The following ZBTB4 variants were observed in gnomAD, a reference collection of about 807,000 sequenced individuals.
ZBTB4 encodes zinc finger and BTB domain containing 4, also known as zinc finger and BTB domain-containing protein 4.
Under a neutral mutation model 59.8 loss-of-function variants are expected in ZBTB4, and 14 were observed. That is an observed-to-expected ratio of 0.23 (90% confidence interval 0.15 to 0.37). The LOEUF (loss-of-function observed/expected upper bound fraction) is 0.37, where lower values mean the gene tolerates loss of function less well. ZBTB4 is among the 10% of genes least tolerant of loss of function. ZBTB4 has a pLI of 1.00. For missense variants in ZBTB4, 1,198 were observed against 1,380.8 expected (o/e 0.87, Z 2.10); for synonymous variants, 587 against 575.2 (o/e 1.02, Z -0.29).
At chr17:7,482,798 T>G (rs2070363639), upstream of ZBTB4, 38 of 1,612,046 alleles carry the variant, frequency 2.4e-5, no homozygotes, top group Non-Finnish European at 3.2e-5. Flanking sequence ...ATGTGTGAGC[T>G]ATGCGGTCAC....
upstream of ZBTB4, among the ~76,000 whole-genome samples, chr17:7,481,826 C>T (rs1287013261): frequency 1.3e-5 from 2 of 152,102 alleles, no homozygotes; most frequent in Non-Finnish European, 2.9e-5. Context: ...TATAACATCT[C>T]ACTCATCTTT....
At chr17:7,468,234 G>A (rs1310003498) in intron 1 of ZBTB4, among the ~76,000 whole-genome samples, 4 of 152,186 alleles carry the variant, frequency 2.6e-5, no homozygotes, top group East Asian at 1.9e-4. Flanking sequence ...TTAGCCGGGC[G>A]TGGTGGCACG....
In ZBTB4 at chr17:7,479,472, C is replaced by A. The variant is rs908445475; in HGVS notation, c.-97G>T. 1 of 155,424 alleles carries A rather than the reference C, an allele frequency of 6.4e-6. No individual in the cohort carries two copies. Among genetic ancestry groups the A allele is most frequent in the African/African-American group, 2.4e-5 (1 of 41,394 alleles). 9.6% of individuals were successfully genotyped at this position (155,424 alleles called of 1,614,324 possible). On this transcript the variant is annotated 5_prime_UTR_variant, in exon 1 of 4. Coordinates refer to ENST00000380599, the MANE Select transcript of ZBTB4 (RefSeq NM_001128833.2). Reference sequence around the variant, plus strand: ...AGGGCCCACCTGACTGCGATGGCGCCGCGTCCGCCAGGCCCGGCTCATCAC... The same window carrying A: ...AGGGCCCACCTGACTGCGATGGCGCAGCGTCCGCCAGGCCCGGCTCATCAC...
Position 7,460,111 on chromosome 17 carries a change from AT to A in ZBTB4, c.*1828del, listed in dbSNP as rs34579688. 122,387 of 151,182 alleles carry A rather than the reference AT, an allele frequency of 0.81. 49,635 individuals are homozygous for A. The highest frequency in any genetic ancestry group is 0.91 in the Middle Eastern group (266 of 292). The allele number at this position is 151,182 out of a possible 1,614,324, so 9.4% of individuals were successfully genotyped here. A position where few individuals can be genotyped will look rare whatever the true frequency, so the allele number is the denominator to read the frequency against. The stretch of plus-strand genomic sequence containing the variant: ...ACAAGATTTGTGGGAATTTTTAGTG[AT>A]TTTTTTTTTTGTGTGTTTTTCCCCA... On this transcript the variant is annotated 3_prime_UTR_variant, in exon 4 of 4. Transcript: ENST00000380599.
At chr17:7,480,960 G>A (rs1352970160), upstream of ZBTB4, among the ~76,000 whole-genome samples, 1 of 151,866 alleles carries the variant, frequency 6.6e-6, no homozygotes, top group Non-Finnish European at 1.5e-5. Context: ...AGGAGTTCAA[G>A]ACCAGCATGG....
chr17:7,462,794 C>G lies in ZBTB4; in HGVS notation c.2188G>C (p.Asp730His). 8 of 1,602,464 alleles carry G rather than the reference C, an allele frequency of 5.0e-6. No homozygotes were observed. Among genetic ancestry groups the G allele is most frequent in the African/African-American group, 4.0e-5 (3 of 75,048 alleles). The change falls in exon 4 of 4, where the codon GAC becomes CAC. Residue 730 changes from aspartate (D) to histidine (H), a missense_variant. Coordinates refer to ENST00000380599, the MANE Select transcript of ZBTB4 (RefSeq NM_001128833.2). This position sits in a 1 kb window ranked among gnomAD's most constrained non-coding sequence, Gnocchi z 7.5. Reference sequence around the variant, plus strand: ...AGGGTGGTGAAGGTCTGGGCACAGTCCCCGCATCGGTGCCTCCGCTCTGTG... The same window carrying G: ...AGGGTGGTGAAGGTCTGGGCACAGTGCCCGCATCGGTGCCTCCGCTCTGTG... ...ARTERRHRCG[D>H]CAQTFTTLRK...
intron 2 of ZBTB4, 102 bp downstream of exon 2, chr17:7,467,155 C>A: frequency 2.7e-6 from 3 of 1,097,762 alleles, no homozygotes; most frequent in Non-Finnish European, 2.2e-6. Flanking sequence ...TCCTGATAGC[C>A]ATTTCACAGA....
At chr17:7,471,498 A>C (rs2070196575) in intron 1 of ZBTB4, among the ~76,000 whole-genome samples, 1 of 152,230 alleles carries the variant, frequency 6.6e-6, no homozygotes, top group Non-Finnish European at 1.5e-5. Context: ...AGGCTTAGAG[A>C]AATCAAATAC....
chr17:7,475,264 C>T lies in ZBTB4; in HGVS notation c.-81+4192G>A, dbSNP rs566184722. ...GCTGAGGCAGGAGAATCACCTGAAC[C>T]CGGAAGGCGGAGGTTGCAGTGAGCC... On this transcript the variant is annotated intron_variant, in intron 1 of 3. Transcript: ENST00000380599. Among the ~76,000 whole-genome samples the T allele has an allele frequency of 7.9e-4, 120 of 151,884 alleles. 1 individual carries two copies. Among genetic ancestry groups the T allele is most frequent in the Non-Finnish European group, 1.5e-3 (101 of 67,946 alleles).
At chr17:7,473,110 A>ATTT (rs71157291) in intron 1 of ZBTB4, among the ~76,000 whole-genome samples, 1 of 64,892 alleles carries the variant, frequency 1.5e-5, no homozygotes, top group African/African-American at 6.4e-5. Flanking sequence ...GCGCGCCACC[A>ATTT]TTTTTTTTTT....
chr17:7,461,208 G>C lies in ZBTB4; in HGVS notation c.*732C>G, dbSNP rs556526679. On this transcript the variant is annotated 3_prime_UTR_variant, in exon 4 of 4. Coordinates refer to ENST00000380599, the MANE Select transcript of ZBTB4 (RefSeq NM_001128833.2). The stretch of plus-strand genomic sequence containing the variant: ...GTCAAGATAGGGCCAATATTTCCCT[G>C]CCCTGGACTGGGAAAGTGCTCAGCC... 1 of 152,824 alleles carries C rather than the reference G, an allele frequency of 6.5e-6. No individual in the cohort carries two copies. Among genetic ancestry groups the C allele is most frequent in the Non-Finnish European group, 1.5e-5 (1 of 68,078 alleles). The allele number at this position is 152,824 out of a possible 1,614,324, so 9.5% of individuals were successfully genotyped here. A position where few individuals can be genotyped will look rare whatever the true frequency, so the allele number is the denominator to read the frequency against.
chr17:7,469,505 G>A (rs1309154954), intron 1 of ZBTB4, among the ~76,000 whole-genome samples: 1 of 149,892 alleles, frequency 6.7e-6, no homozygotes, highest in Non-Finnish European at 1.5e-5. Flanking sequence ...GCTCATGCCC[G>A]TAATCCCAGC....
intron 1 of ZBTB4, among the ~76,000 whole-genome samples, chr17:7,472,197 T>G (rs535612092): frequency 6.9e-6 from 1 of 145,564 alleles, no homozygotes; most frequent in East Asian, 2.0e-4. Context: ...ACACTTTTTC[T>G]TTTTTTTTTT....
chr17:7,477,478 G>A (rs1354338590), intron 1 of ZBTB4, among the ~76,000 whole-genome samples: 1 of 152,158 alleles, frequency 6.6e-6, no homozygotes, highest in Admixed American at 6.5e-5. Flanking sequence ...ATGCCGGAGG[G>A]CCTGTCCGCA....
chr17:7,466,694 G>C lies in ZBTB4; in HGVS notation c.108C>G (p.Ala36=), dbSNP rs200997955. The change falls in exon 3 of 4, where the codon GCC becomes GCG. Residue 36 remains alanine (A), a synonymous_variant. Transcript: ENST00000380599. The surrounding 1 kb of genome is among the most constrained non-coding windows in gnomAD (Gnocchi z 9.1). ...GGTGAGCAGGGAACTTGGTGTCTCC[G>C]GCTATGAGGGTGACGTCACAGAAGA... ...RGLFCDVTLI[A]GDTKFPAHRS... 1 of 1,610,194 alleles carries C rather than the reference G, an allele frequency of 6.2e-7. No individual in the cohort carries two copies. The highest frequency in any genetic ancestry group is 1.3e-5 in the African/African-American group (1 of 74,978).
In ZBTB4 at chr17:7,459,626, G is replaced by T. The variant is rs1722314289; in HGVS notation, c.*2314C>A. On this transcript the variant is annotated 3_prime_UTR_variant, in exon 4 of 4. Coordinates refer to ENST00000380599, the MANE Select transcript of ZBTB4 (RefSeq NM_001128833.2). The stretch of plus-strand genomic sequence containing the variant: ...TTGATCATTTTCAAAAGACAAAACT[G>T]CAAAATCCCAAATTTCCAACATCTG... 1 of 152,210 alleles carries T rather than the reference G, an allele frequency of 6.6e-6. No individual in the cohort carries two copies. The highest frequency in any genetic ancestry group is 2.4e-5 in the African/African-American group (1 of 41,402). 9.4% of individuals were successfully genotyped at this position (152,210 alleles called of 1,614,324 possible).
intron 1 of ZBTB4, among the ~76,000 whole-genome samples, chr17:7,470,743 A>G (rs2070187376): frequency 6.6e-6 from 1 of 152,190 alleles, no homozygotes; most frequent in Non-Finnish European, 1.5e-5. Flanking sequence ...AATGCTAGGT[A>G]GCTGGCCCAA....
At chr17:7,471,755 G>C (rs778374098) in intron 1 of ZBTB4, among the ~76,000 whole-genome samples, 1 of 152,108 alleles carries the variant, frequency 6.6e-6, no homozygotes, top group African/African-American at 2.4e-5. Flanking sequence ...ACCTTGTGGG[G>C]TTGTTGTAAA....
chr17:7,465,028 C>T (rs534354795), intron 3 of ZBTB4, among the ~76,000 whole-genome samples: 14 of 150,630 alleles, frequency 9.3e-5, no homozygotes, highest in East Asian at 3.9e-4. Flanking sequence ...TGATGGCGGG[C>T]GCCTGTAGTC....
Sources: allele counts gnomAD v4.1 joint callset (sites outside exome capture counted in the v4.1 genomes callset), GRCh38; gene constraint gnomAD v4.1.1; non-coding constraint Gnocchi (gnomAD v3.1); transcripts MANE v1.5; gene names NCBI Gene and HGNC (gene_info 2026-07-23, HGNC 2026-07-21).